The following CGNL1 variants were observed in gnomAD, a reference collection of about 807,000 sequenced individuals.
CGNL1 encodes the protein cingulin like 1.
In CGNL1, 132 loss-of-function variants were observed where a neutral mutation model predicts 141.2. The observed-to-expected ratio is 0.93, with a 90% CI of 0.81 to 1.08. The LOEUF (loss-of-function observed/expected upper bound fraction) is 1.08. Ranked by LOEUF, CGNL1 falls within the 50% of genes least tolerant of loss-of-function variation. CGNL1 has a pLI of 0.00. For synonymous variants in CGNL1, 690 were observed against 622.1 expected (o/e 1.11, Z -1.63); for missense variants, 1,870 against 1,588.6 (o/e 1.18, Z -3.01).
At chr15:57,481,241 A>G (rs191844499) in intron 8 of CGNL1, among the ~76,000 whole-genome samples, 1 of 152,304 alleles carries the variant, frequency 6.6e-6, no homozygotes, top group Non-Finnish European at 1.5e-5. Context: ...CTATAGTACA[A>G]TAGCATGACC....
At chr15:57,516,429 G>T (rs1238499265) in intron 8 of CGNL1, among the ~76,000 whole-genome samples, 1 of 152,154 alleles carries the variant, frequency 6.6e-6, no homozygotes, top group East Asian at 1.9e-4. Flanking sequence ...CACAGGCAAG[G>T]GTTGGCAAAC....
At position 57,438,777 on chromosome 15, in the gene CGNL1, C is replaced by T. The variant is rs2063142354; in HGVS notation, c.778C>T (p.His260Tyr). 1.2e-6 allele frequency: 2 copies of T among 1,614,030 alleles called. No homozygotes were observed. Among genetic ancestry groups the T allele is most frequent in the Admixed American group, 1.7e-5 (1 of 60,004 alleles). Residue 260 changes from histidine to tyrosine, a missense_variant, in exon 2 of 19, where the codon CAC becomes TAC. Transcript: ENST00000281282. ...LFTSGRPLTA[H>Y]SPHAHPETKK... ...CACTAGCGGGAGGCCCCTGACTGCC[C>T]ACAGCCCACATGCCCACCCTGAAAC...
intron 8 of CGNL1, among the ~76,000 whole-genome samples, chr15:57,483,523 A>G (rs1186404602): frequency 2.8e-5 from 3 of 108,262 alleles, no homozygotes; most frequent in South Asian, 2.6e-4. Context: ...GATTTTTTAT[A>G]TAGACAATCA....
At chr15:57,445,081 G>C (rs1372120835) in intron 4 of CGNL1, among the ~76,000 whole-genome samples, 1 of 152,128 alleles carries the variant, frequency 6.6e-6, no homozygotes, top group African/African-American at 2.4e-5. Context: ...GGGCAATGTA[G>C]TGAGACCCTG....
intron 14 of CGNL1, among the ~76,000 whole-genome samples, chr15:57,535,798 G>A (rs1221092752): frequency 1.3e-5 from 2 of 152,210 alleles, no homozygotes; most frequent in Middle Eastern, 3.2e-3. Context: ...GTGAGGACTG[G>A]AGAAGGGGCG....
At chr15:57,431,980 C>T (rs1408406097) in intron 1 of CGNL1, among the ~76,000 whole-genome samples, 1 of 152,210 alleles carries the variant, frequency 6.6e-6, no homozygotes, top group Non-Finnish European at 1.5e-5. Context: ...TAGAATTAAG[C>T]TCAAGACTGC....
intron 8 of CGNL1, among the ~76,000 whole-genome samples, chr15:57,501,999 C>G (rs565961899): frequency 6.6e-6 from 1 of 152,302 alleles, no homozygotes; most frequent in East Asian, 1.9e-4. Context: ...TCTGACTATT[C>G]TGTTCTCTGG....
At chr15:57,526,931 T>A (rs1427959096) in intron 12 of CGNL1, among the ~76,000 whole-genome samples, 1 of 152,186 alleles carries the variant, frequency 6.6e-6, no homozygotes, top group Non-Finnish European at 1.5e-5. Context: ...CTGTCATTCT[T>A]TCTGACCCTC....
intron 8 of CGNL1, among the ~76,000 whole-genome samples, chr15:57,498,274 G>A (rs1363469631): frequency 1.9e-5 from 2 of 104,732 alleles, no homozygotes; most frequent in South Asian, 3.4e-4. Context: ...TTGGAGACCA[G>A]GGTCTCACCC....
chr15:57,547,312 C>A (rs1274338122), intron 18 of CGNL1, 43 bp from the exon 19 acceptor site: 1 of 1,606,820 alleles, frequency 6.2e-7, no homozygotes, highest in Admixed American at 1.7e-5. Flanking sequence ...AGCTATGGGC[C>A]CCGGCCCAGG....
intron 8 of CGNL1, 71 bp from the exon 9 acceptor site, chr15:57,516,709 G>T (rs1475960504): frequency 6.7e-7 from 1 of 1,494,890 alleles, no homozygotes; most frequent in Non-Finnish European, 9.2e-7. Context: ...ATAAATGCCA[G>T]CCATTCTTCC....
At chr15:57,493,709 T>G (rs1595762579) in intron 8 of CGNL1, among the ~76,000 whole-genome samples, 1 of 152,238 alleles carries the variant, frequency 6.6e-6, no homozygotes, top group Non-Finnish European at 1.5e-5. Context: ...TAAGGAAACA[T>G]GCTATCAAGT....
At chr15:57,478,416 G>A (rs1319130161) in intron 8 of CGNL1, 1 of 152,202 alleles carries the variant, frequency 6.6e-6, no homozygotes, top group East Asian at 1.9e-4. Context: ...CTGCGAGAAG[G>A]TTCACCTGGT....
At chr15:57,481,736 A>G (rs2063728722) in intron 8 of CGNL1, among the ~76,000 whole-genome samples, 1 of 152,178 alleles carries the variant, frequency 6.6e-6, no homozygotes, top group South Asian at 2.1e-4. Flanking sequence ...ATAAATATCT[A>G]GGAGTGTGAA....
At chr15:57,377,242 C>G (rs1277868141) in intron 1 of CGNL1, 1 of 152,240 alleles carries the variant, frequency 6.6e-6, no homozygotes, top group Non-Finnish European at 1.5e-5. Flanking sequence ...GTTCTTCACC[C>G]TAAGGCCGCT....
chr15:57,414,334 A>T (rs2062825312), intron 1 of CGNL1, among the ~76,000 whole-genome samples: 1 of 152,312 alleles, frequency 6.6e-6, no homozygotes, highest in South Asian at 2.1e-4. Flanking sequence ...CCACAATAAG[A>T]GCAGGTTTCT....
intron 1 of CGNL1, among the ~76,000 whole-genome samples, chr15:57,405,719 C>T (rs957176428): frequency 1.3e-5 from 2 of 148,902 alleles, no homozygotes; most frequent in Admixed American, 6.8e-5. Flanking sequence ...GAAAAACTCG[C>T]AGAAGGTGTG....
intron 8 of CGNL1, 56 bp downstream of exon 8, chr15:57,461,948 C>T: frequency 1.6e-6 from 2 of 1,279,876 alleles, no homozygotes; most frequent in Non-Finnish European, 2.3e-6. Context: ...GTAAGACCCT[C>T]TCTCCCACAC....
rs777379043 is a variant in CGNL1, at chr15:57,438,981, C to A, written c.982C>A (p.Arg328Ser). The A allele has an allele frequency of 6.2e-6, 10 of 1,614,058 alleles. No homozygotes were observed. The highest frequency in any genetic ancestry group is 1.1e-5 in the South Asian group (1 of 91,086). The part of the protein sequence containing the change: ...ECAIHADNVN[R>S]HENRRYIPFL... ...TGCCATCCATGCCGACAACGTCAAT[C>A]GTCATGAAAACAGAAGGTATATTCC... The change falls in exon 2 of 19, where the codon CGT becomes AGT. Residue 328 changes from arginine to serine, a missense_variant. By Grantham distance (110) the Arg-to-Ser change is moderately radical (BLOSUM62 -1). Coordinates refer to ENST00000281282, the MANE Select transcript of CGNL1 (RefSeq NM_032866.5).
Sources: gnomAD v4.1 joint callset for allele counts (sites outside exome capture counted in the v4.1 genomes callset) on GRCh38, gnomAD v4.1.1 for gene constraint, MANE v1.5 for transcripts, NCBI Gene and HGNC (gene_info 2026-07-23, HGNC 2026-07-21) for gene names.